Variants in TMEM117 observed in about 807,000 individuals in gnomAD.
TMEM117 encodes the protein transmembrane protein 117.
A neutral mutation model predicts 52.4 loss-of-function variants in TMEM117; 27 were observed. The observed-to-expected ratio is 0.51, with a 90% CI of 0.38 to 0.71. The LOEUF is 0.71. TMEM117 is among the 30% of genes least tolerant of loss of function. The pLI is 0.00. For synonymous variants in TMEM117, 215 were observed against 206.3 expected, an observed-to-expected ratio of 1.04 and a Z score of -0.36; for missense variants, 556 against 630.5, an observed-to-expected ratio of 0.88 and a Z score of 1.26.
At chr12:44,042,945 TA>T (rs1946825947) in intron 3 of TMEM117, among the ~76,000 whole-genome samples, 1 of 152,136 alleles carries the variant, frequency 6.6e-6, no homozygotes, top group Admixed American at 6.5e-5. Context: ...TTAATATGAT[TA>T]GACCCCAAAA....
intron 5 of TMEM117, among the ~76,000 whole-genome samples, chr12:44,215,052 T>G (rs967128612): frequency 7.2e-5 from 11 of 152,104 alleles, no homozygotes; most frequent in African/African-American, 2.7e-4. Flanking sequence ...CACTCAAAAA[T>G]GGGTATTTTC....
At chr12:44,188,992 A>G (rs1949316398) in intron 4 of TMEM117, among the ~76,000 whole-genome samples, 1 of 152,172 alleles carries the variant, frequency 6.6e-6, no homozygotes, top group African/African-American at 2.4e-5. Flanking sequence ...ATACATTCAT[A>G]TAATGTGTAA....
chr12:43,905,603 T>C (rs1817139678), intron 2 of TMEM117, among the ~76,000 whole-genome samples: 1 of 152,226 alleles, frequency 6.6e-6, no homozygotes, highest in African/African-American at 2.4e-5. Flanking sequence ...GGCTCTTTGA[T>C]CTGCAGCTTG....
At chr12:44,120,045 G>A (rs1325950492) in intron 3 of TMEM117, among the ~76,000 whole-genome samples, 13 of 152,148 alleles carry the variant, frequency 8.5e-5, no homozygotes, top group Non-Finnish European at 1.2e-4. Flanking sequence ...CTTGAAGAGA[G>A]AGAGAACTCA....
intron 2 of TMEM117, among the ~76,000 whole-genome samples, chr12:43,884,047 G>A (rs777143264): frequency 4.6e-5 from 7 of 151,032 alleles, no homozygotes; most frequent in Non-Finnish European, 1.0e-4. Flanking sequence ...GAGGTGAGAG[G>A]CTCTCTTGGG....
intron 3 of TMEM117, among the ~76,000 whole-genome samples, chr12:44,114,374 A>T (rs112844634): frequency 2.0e-5 from 3 of 152,332 alleles, no homozygotes; most frequent in African/African-American, 7.2e-5. Flanking sequence ...TTTTATAACT[A>T]GATATACAGT....
intron 2 of TMEM117, among the ~76,000 whole-genome samples, chr12:43,935,585 A>AAT (rs1358863893): frequency 2.0e-5 from 3 of 152,200 alleles, no homozygotes; most frequent in Admixed American, 2.0e-4. Flanking sequence ...GGGTAAGGAT[A>AAT]ATATATATAG....
chr12:43,934,693 T>C (rs1944922512), intron 2 of TMEM117, among the ~76,000 whole-genome samples: 1 of 152,196 alleles, frequency 6.6e-6, no homozygotes, highest in Admixed American at 6.5e-5. Context: ...TGATATTCTG[T>C]CAAATTCAGT....
chr12:43,962,515 A>G (rs1391985048), intron 3 of TMEM117, among the ~76,000 whole-genome samples: 1 of 152,220 alleles, frequency 6.6e-6, no homozygotes, highest in Non-Finnish European at 1.5e-5. Context: ...GTCATTTACA[A>G]TAGAAGATCA....
At chr12:43,857,311 T>C (rs949101301) in intron 2 of TMEM117, among the ~76,000 whole-genome samples, 1 of 69,626 alleles carries the variant, frequency 1.4e-5, no homozygotes, top group Non-Finnish European at 3.8e-5. Flanking sequence ...CCTTTCTAGG[T>C]ACTTTTTTTT....
intron 3 of TMEM117, among the ~76,000 whole-genome samples, chr12:44,102,614 A>C (rs1947881374): frequency 6.6e-6 from 1 of 151,910 alleles, no homozygotes; most frequent in Admixed American, 6.6e-5. Flanking sequence ...CTATCCTCCG[A>C]GCCCTAAAAT....
intron 3 of TMEM117, among the ~76,000 whole-genome samples, chr12:43,960,293 G>C (rs904605457): frequency 6.6e-6 from 1 of 151,780 alleles, no homozygotes; most frequent in Non-Finnish European, 1.5e-5. Flanking sequence ...GCCCTGGAGA[G>C]GGGGGTTGAG....
intron 3 of TMEM117, among the ~76,000 whole-genome samples, chr12:44,090,621 G>A (rs1947649883): frequency 6.6e-6 from 1 of 151,414 alleles, no homozygotes; most frequent in Non-Finnish European, 1.5e-5. Context: ...ATTTTTAGTA[G>A]AGATGCAGTT....
At chr12:44,041,119 G>A (rs1157784853) in intron 3 of TMEM117, among the ~76,000 whole-genome samples, 1 of 152,106 alleles carries the variant, frequency 6.6e-6, no homozygotes, top group Non-Finnish European at 1.5e-5. Flanking sequence ...TATACTGTAA[G>A]TTTTAGGGTA....
At chr12:44,218,214 G>A (rs1359956615) in intron 5 of TMEM117, among the ~76,000 whole-genome samples, 1 of 148,706 alleles carries the variant, frequency 6.7e-6, no homozygotes, top group Non-Finnish European at 1.5e-5. Context: ...ACAGAGTAAG[G>A]CTCCGTCAAA....
chr12:43,858,216 G>C (rs1164189418), intron 2 of TMEM117, among the ~76,000 whole-genome samples: 2 of 152,188 alleles, frequency 1.3e-5, no homozygotes, highest in African/African-American at 2.4e-5. Context: ...CTGCCTTCAA[G>C]GTCATAACAG....
At chr12:43,810,921 T>C in the TMEM117 span, among the ~76,000 whole-genome samples, 1 of 152,262 alleles carries the variant, frequency 6.6e-6, no homozygotes, top group Non-Finnish European at 1.5e-5. Flanking sequence ...AGTTAACTCT[T>C]ACATTTTATG....
chr12:43,860,977 T>C (rs1943479107), intron 2 of TMEM117, among the ~76,000 whole-genome samples: 1 of 152,180 alleles, frequency 6.6e-6, no homozygotes, highest in South Asian at 2.1e-4. Flanking sequence ...CTCCCCATTA[T>C]GGCTCCTTTA....
At chr12:44,146,441 G>A (rs1250578589) in intron 4 of TMEM117, among the ~76,000 whole-genome samples, 2 of 152,132 alleles carry the variant, frequency 1.3e-5, no homozygotes, top group African/African-American at 4.8e-5. Flanking sequence ...ACCCCCTGGG[G>A]CCTTTCTGTA....
Sources: gnomAD v4.1 joint callset for allele counts (sites outside exome capture counted in the v4.1 genomes callset) on GRCh38, gnomAD v4.1.1 for gene constraint, MANE v1.5 for transcripts, NCBI Gene and HGNC (gene_info 2026-07-23, HGNC 2026-07-21) for gene names.